Variants in GRIK2 observed in about 807,000 individuals in gnomAD.
GRIK2 encodes glutamate receptor ionotropic, kainate 2.
GRIK2 carries 32 observed loss-of-function variants against 100.3 expected under a neutral mutation model. The observed-to-expected ratio is 0.32, with a 90% confidence interval of 0.24 to 0.43. GRIK2 has a LOEUF of 0.43. Among genes scored for constraint, GRIK2 ranks in the 20% least tolerant of loss-of-function variants. The pLI is 1.00. For synonymous variants in GRIK2, 417 were observed against 389.4 expected (o/e 1.07, Z -0.83); for missense variants, 843 against 1,114.9 (o/e 0.76, Z 3.47).
chr6:101,752,481 C>A (rs928934766), intron 7 of GRIK2, among the ~76,000 whole-genome samples: 1 of 152,080 alleles, frequency 6.6e-6, no homozygotes, highest in Non-Finnish European at 1.5e-5. Flanking sequence ...AGTTCATAGG[C>A]TTCTCTGTAG....
intron 2 of GRIK2, among the ~76,000 whole-genome samples, chr6:101,402,954 G>A (rs150319490): frequency 2.0e-5 from 3 of 152,294 alleles, no homozygotes; most frequent in Admixed American, 6.5e-5. Context: ...GAACTGCGGC[G>A]GCGGAGGTAA....
intron 2 of GRIK2, among the ~76,000 whole-genome samples, chr6:101,588,962 A>G (rs745917244): frequency 5.9e-5 from 9 of 152,072 alleles, no homozygotes; most frequent in African/African-American, 9.7e-5. Flanking sequence ...TAGCAGTGGG[A>G]ATAAAGGCAA....
intron 2 of GRIK2, among the ~76,000 whole-genome samples, chr6:101,425,907 C>T (rs1193852580): frequency 6.6e-6 from 1 of 152,188 alleles, no homozygotes; most frequent in Non-Finnish European, 1.5e-5. Flanking sequence ...TGGCAAGTCT[C>T]ACTAGCACTG....
At chr6:101,576,415 A>C (rs142195978) in intron 2 of GRIK2, among the ~76,000 whole-genome samples, 96 of 152,200 alleles carry the variant, frequency 6.3e-4, no homozygotes, top group African/African-American at 2.2e-3. Context: ...ATCAAAACCT[A>C]ATATTCCTCT....
intron 4 of GRIK2, among the ~76,000 whole-genome samples, chr6:101,640,099 G>A (rs1394436559): frequency 6.6e-6 from 1 of 152,116 alleles, no homozygotes; most frequent in Non-Finnish European, 1.5e-5. Context: ...ATATCTTACA[G>A]TTATAACTCA....
chr6:101,791,879 A>G (rs1195120325), intron 7 of GRIK2, among the ~76,000 whole-genome samples: 1 of 151,536 alleles, frequency 6.6e-6, no homozygotes, highest in Non-Finnish European at 1.5e-5. Flanking sequence ...TGCTTTATGA[A>G]TCTGGGTGCT....
At chr6:101,964,879 A>G (rs1214397022) in intron 14 of GRIK2, among the ~76,000 whole-genome samples, 1 of 152,176 alleles carries the variant, frequency 6.6e-6, no homozygotes. Context: ...AGAGTCAGGC[A>G]TAGAGAGAGA....
chr6:101,442,547 T>G (rs532065955), intron 2 of GRIK2, among the ~76,000 whole-genome samples: 11 of 152,252 alleles, frequency 7.2e-5, no homozygotes, highest in African/African-American at 2.4e-4. Context: ...GCTGCAAACT[T>G]AAGTTTTTTA....
intron 14 of GRIK2, among the ~76,000 whole-genome samples, chr6:101,940,071 GA>G (rs150004005): frequency 2.0e-5 from 3 of 151,824 alleles, no homozygotes; most frequent in East Asian, 3.9e-4. Context: ...ATGTTTGTGA[GA>G]AAAAAAATAA....
At chr6:102,001,430 C>T (rs921507757) in intron 14 of GRIK2, among the ~76,000 whole-genome samples, 5 of 151,588 alleles carry the variant, frequency 3.3e-5, no homozygotes, top group Non-Finnish European at 5.9e-5. Flanking sequence ...TTGCTCAACT[C>T]CCGCTTATGA....
intron 14 of GRIK2, among the ~76,000 whole-genome samples, chr6:101,975,763 T>C (rs1177402674): frequency 7.1e-6 from 1 of 141,748 alleles, no homozygotes; most frequent in Non-Finnish European, 1.5e-5. Context: ...AACAGTTATT[T>C]TATCTATGTG....
At chr6:102,007,752 A>G (rs1795316724) in intron 14 of GRIK2, among the ~76,000 whole-genome samples, 1 of 152,076 alleles carries the variant, frequency 6.6e-6, no homozygotes, top group African/African-American at 2.4e-5. Context: ...TTTTCTTAGG[A>G]AAGAGGTTTA....
At chr6:102,058,698 T>G (rs2114515180) in intron 16 of GRIK2, among the ~76,000 whole-genome samples, 1 of 151,606 alleles carries the variant, frequency 6.6e-6, no homozygotes, top group Non-Finnish European at 1.5e-5. Flanking sequence ...TTACTTTTAC[T>G]TATCATAATT....
intron 7 of GRIK2, among the ~76,000 whole-genome samples, chr6:101,757,700 A>G (rs1287928388): frequency 1.3e-5 from 2 of 152,190 alleles, no homozygotes; most frequent in Non-Finnish European, 2.9e-5. Context: ...CCTCTCTTTC[A>G]TAAATCCAGG....
At chr6:101,671,518 T>C (rs568080616) in intron 4 of GRIK2, among the ~76,000 whole-genome samples, 2 of 152,214 alleles carry the variant, frequency 1.3e-5, no homozygotes, top group South Asian at 2.1e-4. Context: ...ACATCACATG[T>C]CCTGTAACGT....
intron 7 of GRIK2, among the ~76,000 whole-genome samples, chr6:101,789,813 T>C (rs991700530): frequency 2.5e-4 from 38 of 152,282 alleles, no homozygotes; most frequent in African/African-American, 8.9e-4. Flanking sequence ...GCCATTTTCA[T>C]GATATTGATT....
At chr6:101,692,690 C>G (rs1772195325) in intron 7 of GRIK2, among the ~76,000 whole-genome samples, 1 of 151,790 alleles carries the variant, frequency 6.6e-6, no homozygotes, top group African/African-American at 2.4e-5. Flanking sequence ...ATATATTTAC[C>G]AAGAATTTAA....
intron 2 of GRIK2, among the ~76,000 whole-genome samples, chr6:101,551,030 G>T (rs187840152): frequency 6.6e-6 from 1 of 152,038 alleles, no homozygotes; most frequent in South Asian, 2.1e-4. Flanking sequence ...CTCACCTAAG[G>T]CTCACCTCAT....
At chr6:102,024,114 T>C (rs1197620924) in intron 14 of GRIK2, among the ~76,000 whole-genome samples, 1 of 150,912 alleles carries the variant, frequency 6.6e-6, no homozygotes, top group Non-Finnish European at 1.5e-5. Flanking sequence ...CATGATTGGC[T>C]GAAGCACTAA....
Sources: allele counts gnomAD v4.1 joint callset (sites outside exome capture counted in the v4.1 genomes callset), GRCh38; gene constraint gnomAD v4.1.1; transcripts MANE v1.5; gene names NCBI Gene and HGNC (gene_info 2026-07-23, HGNC 2026-07-21).